Variants in STXBP4 observed in about 807,000 individuals in gnomAD.
STXBP4 encodes the protein syntaxin-binding protein 4.
STXBP4 carries 55 observed loss-of-function variants against 76.1 expected under a neutral mutation model. The ratio of observed to expected loss-of-function variants is 0.72; its 90% CI spans 0.58 to 0.91. STXBP4 has a LOEUF of 0.91. Among genes scored for constraint, STXBP4 ranks in the 40% least tolerant of loss-of-function variants. The probability of loss-of-function intolerance (pLI) is 0.00; values close to 1 mark genes in which losing one functional copy is unlikely to be tolerated. For synonymous variants in STXBP4, 201 were observed against 220.2 expected, an observed-to-expected ratio of 0.91 and a Z score of 0.77; for missense variants, 618 against 636.9, an observed-to-expected ratio of 0.97 and a Z score of 0.32.
intron 4 of STXBP4, among the ~76,000 whole-genome samples, chr17:54,993,992 A>G (rs527836193): frequency 6.6e-6 from 1 of 152,200 alleles, no homozygotes; most frequent in Non-Finnish European, 1.5e-5. Flanking sequence ...AAATATGAGA[A>G]TAAAATACTG....
chr17:55,192,359 T>C, the STXBP4 span, among the ~76,000 whole-genome samples: 10 of 152,166 alleles, frequency 6.6e-5, no homozygotes, highest in Admixed American at 5.9e-4. Flanking sequence ...ATGTATGGCA[T>C]GACAGAAGTG....
chr17:55,189,507 T>G, the STXBP4 span, among the ~76,000 whole-genome samples: 3 of 152,142 alleles, frequency 2.0e-5, no homozygotes, highest in Non-Finnish European at 4.4e-5. Context: ...TCAACAAGCA[T>G]CTACAAGAAA....
chr17:55,097,506 A>AC (rs1402647297), intron 16 of STXBP4, among the ~76,000 whole-genome samples: 2 of 152,016 alleles, frequency 1.3e-5, no homozygotes, highest in African/African-American at 4.8e-5. Flanking sequence ...TACTAAAAAT[A>AC]TAAAAAATTA....
At chr17:55,094,153 C>A (rs1371808137) in intron 16 of STXBP4, among the ~76,000 whole-genome samples, 2 of 130,854 alleles carry the variant, frequency 1.5e-5, no homozygotes, top group African/African-American at 5.7e-5. Context: ...ACTTGACATA[C>A]TTGAGGGACA....
chr17:55,005,478 A>G (rs1346121608), intron 7 of STXBP4, among the ~76,000 whole-genome samples: 1 of 152,224 alleles, frequency 6.6e-6, no homozygotes, highest in African/African-American at 2.4e-5. Context: ...TTTAGATAGA[A>G]GTAAGCATAA....
intron 3 of STXBP4, 83 bp downstream of exon 3, chr17:54,986,349 C>A: frequency 2.9e-6 from 3 of 1,029,818 alleles, no homozygotes; most frequent in Non-Finnish European, 4.4e-6. Context: ...AGTTTTTTTA[C>A]ATCTAGCTCT....
rs754613836 is a variant in STXBP4 at position 55,168,112 on chromosome 17, G to A, written c.*8201G>A. On this transcript the variant is annotated 3_prime_UTR_variant, in exon 18 of 18. Transcript: ENST00000376352. ...GAAGTTGGCACCAAATTAAATGCAT[G>A]GATTACTTCTCTGATAAAAGTACTC... The A allele has an allele frequency of 1.7e-5, 1 of 58,544 alleles. No individual in the cohort carries two copies. The highest frequency in any genetic ancestry group is 3.7e-5 in the Non-Finnish European group (1 of 27,188). 3.6% of individuals were successfully genotyped at this position (58,544 alleles called of 1,614,324 possible).
intron 16 of STXBP4, among the ~76,000 whole-genome samples, chr17:55,101,777 T>C (rs1240050578): frequency 6.6e-6 from 1 of 152,222 alleles, no homozygotes; most frequent in Non-Finnish European, 1.5e-5. Context: ...AAAAACCTAA[T>C]GTGAATTCTG....
chr17:55,149,389 C>CT (rs1370262659), intron 17 of STXBP4, among the ~76,000 whole-genome samples: 1 of 152,198 alleles, frequency 6.6e-6, no homozygotes, highest in African/African-American at 2.4e-5. Flanking sequence ...TATGCAACCA[C>CT]TTTTAAGTGT....
At chr17:55,176,854 T>G (rs975937481), downstream of STXBP4, among the ~76,000 whole-genome samples, 1 of 152,152 alleles carries the variant, frequency 6.6e-6, no homozygotes, top group African/African-American at 2.4e-5. Flanking sequence ...TGGGACATCA[T>G]TCTTCTTCCC....
intron 16 of STXBP4, among the ~76,000 whole-genome samples, chr17:55,089,555 A>G (rs1369520537): frequency 6.6e-6 from 1 of 152,184 alleles, no homozygotes; most frequent in Non-Finnish European, 1.5e-5. Flanking sequence ...AGGCATTTTT[A>G]ATCAGTATTG....
chr17:55,211,404 T>A, the STXBP4 span, among the ~76,000 whole-genome samples: 2 of 152,144 alleles, frequency 1.3e-5, no homozygotes, highest in Admixed American at 1.3e-4. Context: ...GAAATTTATC[T>A]CCTGGGAAGT....
chr17:55,049,047 C>T (rs1179354207), intron 12 of STXBP4, among the ~76,000 whole-genome samples: 1 of 151,854 alleles, frequency 6.6e-6, no homozygotes, highest in Non-Finnish European at 1.5e-5. Context: ...AGAATTAGAC[C>T]AGCATTGGGT....
downstream of STXBP4, among the ~76,000 whole-genome samples, chr17:55,173,828 T>C (rs2080418799): frequency 1.3e-5 from 2 of 152,234 alleles, no homozygotes; most frequent in African/African-American, 4.8e-5. Flanking sequence ...TAAATTCAAA[T>C]TATCAGCAGG....
rs923736184 is a variant in STXBP4 at position 55,171,278 on chromosome 17, G to A, written c.*11367G>A. 1 of 152,120 alleles carries A rather than the reference G, an allele frequency of 6.6e-6. No individual in the cohort carries two copies. Among genetic ancestry groups the A allele is most frequent in the African/African-American group, 2.4e-5 (1 of 41,426 alleles). 9.4% of individuals were successfully genotyped at this position (152,120 alleles called of 1,614,324 possible). A position where few individuals can be genotyped will look rare whatever the true frequency, so the allele number is the denominator to read the frequency against. On this transcript the variant is annotated 3_prime_UTR_variant, in exon 18 of 18. Coordinates refer to ENST00000376352, the MANE Select transcript of STXBP4 (RefSeq NM_178509.6). ...AAGAAGCACAAAATCCTAGAATTGAGGTGAATTTGTAAGTTCCTCTAGTCC... is the reference window on the plus strand; with the variant it reads ...AAGAAGCACAAAATCCTAGAATTGAAGTGAATTTGTAAGTTCCTCTAGTCC...
At chr17:55,098,820 T>G (rs749571283) in intron 16 of STXBP4, among the ~76,000 whole-genome samples, 3 of 152,242 alleles carry the variant, frequency 2.0e-5, no homozygotes, top group Non-Finnish European at 4.4e-5. Context: ...GTTTGTTTAC[T>G]TGTTTATTTT....
chr17:55,187,668 C>T, the STXBP4 span, among the ~76,000 whole-genome samples: 2 of 152,136 alleles, frequency 1.3e-5, no homozygotes, highest in African/African-American at 2.4e-5. Context: ...TCCGAATTTC[C>T]CCCCAGGGAG....
intron 16 of STXBP4, among the ~76,000 whole-genome samples, chr17:55,084,420 A>G (rs1294241856): frequency 1.3e-5 from 2 of 151,916 alleles, no homozygotes; most frequent in Non-Finnish European, 2.9e-5. Flanking sequence ...ATTTTCTCCC[A>G]TTTTGTAGGT....
chr17:55,039,483 A>G (rs1598250484), intron 10 of STXBP4, among the ~76,000 whole-genome samples: 7 of 152,176 alleles, frequency 4.6e-5, no homozygotes, highest in Non-Finnish European at 1.5e-5. Flanking sequence ...GACAAAAGTG[A>G]TATTTTAGAA....
Sources: allele counts gnomAD v4.1 joint callset (sites outside exome capture counted in the v4.1 genomes callset), GRCh38; gene constraint gnomAD v4.1.1; transcripts MANE v1.5; gene names NCBI Gene and HGNC (gene_info 2026-07-23, HGNC 2026-07-21).